The following PRKCQ variants were observed in gnomAD, a reference collection of about 807,000 sequenced individuals.
PRKCQ encodes protein kinase C theta.
Under a neutral mutation model 91.2 loss-of-function variants are expected in PRKCQ, and 41 were observed. That is an observed-to-expected ratio of 0.45 (90% confidence interval 0.35 to 0.58). The LOEUF (loss-of-function observed/expected upper bound fraction) is 0.58. Among genes scored for constraint, PRKCQ ranks in the 20% least tolerant of loss-of-function variants. PRKCQ has a pLI of 0.00. For synonymous variants in PRKCQ, 307 were observed against 316.9 expected, an observed-to-expected ratio of 0.97 and a Z score of 0.33; for missense variants, 673 against 896.5, an observed-to-expected ratio of 0.75 and a Z score of 3.18.
downstream of PRKCQ, among the ~76,000 whole-genome samples, chr10:6,425,225 A>ATT (rs34277466): frequency 0.011 from 1,482 of 137,668 alleles, 17 homozygotes; most frequent in African/African-American, 0.031. Context: ...TCTCTCCTCT[A>ATT]TTTTTTTTTT....
intron 1 of PRKCQ, among the ~76,000 whole-genome samples, chr10:6,552,758 CACCCAA>C (rs1564389489): frequency 7.9e-5 from 12 of 152,160 alleles, no homozygotes; most frequent in African/African-American, 2.7e-4. Flanking sequence ...TGAGTCGCTG[CACCCAA>C]CCAAACTTTT....
intron 12 of PRKCQ, among the ~76,000 whole-genome samples, chr10:6,476,063 G>A (rs1836251997): frequency 6.6e-6 from 1 of 151,994 alleles, no homozygotes; most frequent in Non-Finnish European, 1.5e-5. Context: ...TTCCATTATT[G>A]GAACGCTAAG....
chr10:6,572,393 C>T (rs976890741), intron 1 of PRKCQ, among the ~76,000 whole-genome samples: 1 of 152,138 alleles, frequency 6.6e-6, no homozygotes, highest in Non-Finnish European at 1.5e-5. Context: ...TCCAATCCCA[C>T]CTCCCGACAG....
At chr10:6,515,820 T>C (rs1389133641) in intron 1 of PRKCQ, among the ~76,000 whole-genome samples, 1 of 152,134 alleles carries the variant, frequency 6.6e-6, no homozygotes, top group Non-Finnish European at 1.5e-5. Flanking sequence ...AGCCCAAAAA[T>C]CAGTAATTAT....
At chr10:6,488,179 C>T (rs1297823231) in intron 8 of PRKCQ, among the ~76,000 whole-genome samples, 1 of 152,128 alleles carries the variant, frequency 6.6e-6, no homozygotes, top group Non-Finnish European at 1.5e-5. Context: ...CATGTGTGTG[C>T]AAAGAAGCTT....
Position 6,580,271 on chromosome 10 carries a change from G to C in PRKCQ, c.-70C>G, listed in dbSNP as rs917131126. ...GCTGGGACTGCGCGGGGACTGCGCG[G>C]GGACTGCGCGGGGACTGGCGGGGCT... On this transcript the variant is annotated 5_prime_UTR_variant, in exon 1 of 18. Transcript: ENST00000263125. The C allele has an allele frequency of 2.7e-4, 16 of 59,322 alleles. No homozygotes were observed. Among genetic ancestry groups the C allele is most frequent in the Admixed American group, 5.6e-4 (4 of 7,094 alleles). 3.7% of individuals were successfully genotyped at this position (59,322 alleles called of 1,614,324 possible). A position where few individuals can be genotyped will look rare whatever the true frequency, so the allele number is the denominator to read the frequency against.
At chr10:6,468,040 T>TA (rs879496471) in intron 12 of PRKCQ, among the ~76,000 whole-genome samples, 1 of 151,914 alleles carries the variant, frequency 6.6e-6, no homozygotes, top group Non-Finnish European at 1.5e-5. Flanking sequence ...GACCCTGTCT[T>TA]AAAAAAAATG....
chr10:6,466,657 A>C (rs1835673492), intron 12 of PRKCQ, among the ~76,000 whole-genome samples: 1 of 152,238 alleles, frequency 6.6e-6, no homozygotes, highest in Non-Finnish European at 1.5e-5. Flanking sequence ...AGCCTTTTAA[A>C]AGCTGAATCC....
In PRKCQ at chr10:6,464,358, A is replaced by G. The variant is rs761886595; in HGVS notation, c.1400T>C (p.Met467Thr). 2 of 1,613,912 alleles carry G rather than the reference A, an allele frequency of 1.2e-6. No individual in the cohort carries two copies. The highest frequency in any genetic ancestry group is 8.5e-7 in the Non-Finnish European group (1 of 1,179,954). ...CTTGTGGCAGCTTTGGATGTGGTACATTAAGTCCCCTCCGTTGAGGTACTC... is the reference window on the plus strand; with the variant it reads ...CTTGTGGCAGCTTTGGATGTGGTACGTTAAGTCCCCTCCGTTGAGGTACTC... The part of the protein sequence containing the change: ...VMEYLNGGDL[M>T]YHIQSCHKFD... The change falls in exon 13 of 18, where the codon ATG becomes ACG. Residue 467 changes from methionine to threonine, a missense_variant. Met to Thr is a moderately conservative substitution (Grantham distance 81). Transcript: ENST00000263125.
intron 1 of PRKCQ, among the ~76,000 whole-genome samples, chr10:6,554,504 C>G (rs1840333980): frequency 6.6e-6 from 1 of 152,168 alleles, no homozygotes; most frequent in South Asian, 2.1e-4. Flanking sequence ...CTGTCTACAG[C>G]TGGAAATGTA....
chr10:6,423,287 G>A (rs111768591), downstream of PRKCQ, among the ~76,000 whole-genome samples: 68 of 152,302 alleles, frequency 4.5e-4, no homozygotes, highest in African/African-American at 1.4e-3. Context: ...GTGGTGTCTT[G>A]CTCTGATATA....
downstream of PRKCQ, chr10:6,427,005 G>A (rs1677038743): frequency 1.3e-5 from 2 of 152,268 alleles, no homozygotes; most frequent in African/African-American, 2.4e-5. Context: ...CAAAGTGCTG[G>A]GATTACAGGC....
At chr10:6,460,229 T>C (rs1168337628) in intron 14 of PRKCQ, among the ~76,000 whole-genome samples, 2 of 151,962 alleles carry the variant, frequency 1.3e-5, no homozygotes, top group African/African-American at 2.4e-5. Context: ...CTTCCATGCA[T>C]GGGCAGGGTA....
chr10:6,453,784 A>T (rs1281734581), intron 15 of PRKCQ, among the ~76,000 whole-genome samples: 3 of 152,004 alleles, frequency 2.0e-5, no homozygotes, highest in African/African-American at 7.3e-5. Context: ...ACATGGATGA[A>T]ACTGGAAATC....
chr10:6,425,955 G>A (rs1833109768), downstream of PRKCQ, among the ~76,000 whole-genome samples: 1 of 152,114 alleles, frequency 6.6e-6, no homozygotes, highest in South Asian at 2.1e-4. Context: ...TGGGTGTCAG[G>A]AGGATGCTGG....
chr10:6,423,296 T>C (rs1385708286), downstream of PRKCQ, among the ~76,000 whole-genome samples: 1 of 152,170 alleles, frequency 6.6e-6, no homozygotes, highest in Non-Finnish European at 1.5e-5. Flanking sequence ...TGCTCTGATA[T>C]ACACACACAG....
At chr10:6,394,267 C>T in the PRKCQ span, among the ~76,000 whole-genome samples, 12 of 152,294 alleles carry the variant, frequency 7.9e-5, no homozygotes, top group East Asian at 1.5e-3. Flanking sequence ...CCTTTGTTGT[C>T]GTAAGTGTAG....
At position 6,447,427 on chromosome 10, in the gene PRKCQ, C is replaced by T. The variant is rs567641247; in HGVS notation, c.1648-5346G>A. Among the ~76,000 whole-genome samples, 6 of 143,292 alleles carry T rather than the reference C, an allele frequency of 4.2e-5. No homozygotes were observed. The South Asian group carries it at 6.6e-4, about 16-fold the overall frequency. 94.0% of individuals were successfully genotyped at this position (143,292 alleles called of 152,430 possible). A position where few individuals can be genotyped will look rare whatever the true frequency, so the allele number is the denominator to read the frequency against. On this transcript the variant is annotated intron_variant, in intron 15 of 17. Coordinates refer to ENST00000263125, the MANE Select transcript of PRKCQ (RefSeq NM_006257.5). ...ACCTCAAAAAAAAAAAAAAAAAGTACGATATTTCCCTGTTTAACTGCCTTC... is the reference window on the plus strand; with the variant it reads ...ACCTCAAAAAAAAAAAAAAAAAGTATGATATTTCCCTGTTTAACTGCCTTC...
chr10:6,545,845 A>C (rs546232496), intron 1 of PRKCQ, among the ~76,000 whole-genome samples: 1 of 152,208 alleles, frequency 6.6e-6, no homozygotes, highest in South Asian at 2.1e-4. Flanking sequence ...ACTACTAAAA[A>C]TACAAAAATT....
Sources: gnomAD v4.1 joint callset for allele counts (sites outside exome capture counted in the v4.1 genomes callset) on GRCh38, gnomAD v4.1.1 for gene constraint, MANE v1.5 for transcripts, NCBI Gene and HGNC (gene_info 2026-07-23, HGNC 2026-07-21) for gene names.